The following KCTD18 variants were observed in gnomAD, a reference collection of about 807,000 sequenced individuals.
The protein encoded by KCTD18 is BTB/POZ domain-containing protein KCTD18.
In KCTD18, 22 loss-of-function variants were observed where a neutral mutation model predicts 30.4. The observed-to-expected ratio is 0.72, with a 90% CI of 0.52 to 1.03. KCTD18 has a LOEUF of 1.03. Among genes scored for constraint, KCTD18 ranks in the 50% least tolerant of loss-of-function variants. The pLI is 0.00. For synonymous variants in KCTD18, 186 were observed against 209.0 expected, an observed-to-expected ratio of 0.89 and a Z score of 0.95; for missense variants, 529 against 547.6, an observed-to-expected ratio of 0.97 and a Z score of 0.34.
chr2:200,504,914 A>G lies in KCTD18; in HGVS notation c.206T>C (p.Leu69Ser). ...DRDGRLFKYL[L>S]DYLHGEVQIP... ...CTGAACTTCTCCATGAAGGTAATCC[A>G]AAAGGTATTTAAATAGACGTCCATC... is the stretch of plus-strand genomic sequence containing the variant. The change falls in exon 3 of 7, where the codon TTG (leucine) becomes TCG (serine). Residue 69 changes from leucine to serine, a missense_variant. By Grantham distance (145) the Leu-to-Ser change is moderately radical (BLOSUM62 -2). Transcript: ENST00000359878. The G allele has an allele frequency of 6.2e-7, 1 of 1,614,198 alleles. No individual in the cohort carries two copies. The highest frequency in any genetic ancestry group is 1.6e-4 in the Middle Eastern group (1 of 6,062).
At chr2:200,508,406 G>T (rs2030325124) in intron 1 of KCTD18, among the ~76,000 whole-genome samples, 1 of 152,072 alleles carries the variant, frequency 6.6e-6, no homozygotes, top group Non-Finnish European at 1.5e-5. Context: ...AGGTTTAAGG[G>T]TTGGATTTTT....
chr2:200,505,470 C>T (rs1276283791), intron 2 of KCTD18, among the ~76,000 whole-genome samples: 1 of 152,144 alleles, frequency 6.6e-6, no homozygotes, highest in African/African-American at 2.4e-5. Flanking sequence ...TGGACCTTTG[C>T]GTTCTCACTA....
chr2:200,493,948 C>T (rs556426870), intron 5 of KCTD18, among the ~76,000 whole-genome samples: 7 of 152,246 alleles, frequency 4.6e-5, no homozygotes, highest in Non-Finnish European at 7.4e-5. Flanking sequence ...CATCACCACC[C>T]GATAACCACC....
In KCTD18 at chr2:200,493,866, G is replaced by A. The variant is rs539967459; in HGVS notation, c.662-592C>T. Among the ~76,000 whole-genome samples, 8 of 152,246 alleles carry A rather than the reference G, an allele frequency of 5.3e-5. No homozygotes were observed. In the East Asian group the frequency reaches 1.5e-3, roughly 29 times the overall value. ...ACACTTGCCTTGTCTACTTCACTGG[G>A]TTGCTGTAACATCAAATCAGGGGAA... On this transcript the variant is annotated intron_variant, in intron 5 of 6. Transcript: ENST00000359878.
chr2:200,504,984 G>C (rs747295897), intron 2 of KCTD18, 25 bp from the exon 3 acceptor site: 2 of 1,555,680 alleles, frequency 1.3e-6, no homozygotes, highest in South Asian at 2.2e-5. Flanking sequence ...GTTCAAAAAT[G>C]ATTATAGAGA....
intron 2 of KCTD18, among the ~76,000 whole-genome samples, chr2:200,505,957 GA>G (rs749932500): frequency 4.0e-4 from 61 of 152,022 alleles, no homozygotes; most frequent in Admixed American, 8.5e-4. Flanking sequence ...GGGCAGAGAA[GA>G]AAACTCAATC....
intron 5 of KCTD18, chr2:200,497,502 TAATTA>T (rs2088014251): frequency 2.7e-6 from 1 of 377,190 alleles, no homozygotes; most frequent in Admixed American, 4.2e-5. Context: ...AACTCTTATT[TAATTA>T]AATTAAATAA....
chr2:200,494,383 A>G (rs901690759), intron 5 of KCTD18, among the ~76,000 whole-genome samples: 2 of 152,258 alleles, frequency 1.3e-5, no homozygotes, highest in Admixed American at 6.5e-5. Flanking sequence ...TTAGAAAAGA[A>G]GCATAAATAT....
chr2:200,506,835 C>A, intron 2 of KCTD18, 22 bp downstream of exon 2: 2 of 1,609,010 alleles, frequency 1.2e-6, no homozygotes, highest in Non-Finnish European at 1.7e-6. Context: ...TCAGATCATG[C>A]TTTCAGACTT....
At chr2:200,507,296 C>T (rs892774358) in intron 1 of KCTD18, among the ~76,000 whole-genome samples, 2 of 152,124 alleles carry the variant, frequency 1.3e-5, no homozygotes, top group East Asian at 1.9e-4. Context: ...AGATAATAAA[C>T]GACTAACAAC....
chr2:200,506,772 T>C, intron 2 of KCTD18, 85 bp downstream of exon 2: 1 of 1,250,734 alleles, frequency 8.0e-7, no homozygotes, highest in Non-Finnish European at 1.2e-6. Flanking sequence ...ATCTAGTACA[T>C]TTCGCTGTAA....
In KCTD18 at chr2:200,507,052, A is replaced by G. The variant is rs377129125; in HGVS notation, c.-36T>C. 11 of 1,545,378 alleles carry G rather than the reference A, an allele frequency of 7.1e-6. No homozygotes were observed. In the African/African-American group the frequency reaches 1.2e-4, roughly 17 times the overall value. On this transcript the variant is annotated 5_prime_UTR_variant, in exon 2 of 7. Transcript: ENST00000359878. ...GGCACCTGAATTTTTGCCGCCCAAC[A>G]CTTTCAGAAACTTCAAAACAATGAT...
At chr2:200,498,850 G>T in intron 4 of KCTD18, 41 bp downstream of exon 4, 2 of 1,555,618 alleles carry the variant, frequency 1.3e-6, no homozygotes, top group South Asian at 2.2e-5. Flanking sequence ...AAGAGACCAA[G>T]ACTTTATTTT....
chr2:200,500,331 A>G (rs2088065561), intron 3 of KCTD18, among the ~76,000 whole-genome samples: 1 of 151,036 alleles, frequency 6.6e-6, no homozygotes, highest in Admixed American at 6.6e-5. Flanking sequence ...CAAAAAGAGG[A>G]AGTCAAATTG....
chr2:200,504,704 C>T, intron 3 of KCTD18, 44 bp downstream of exon 3: 3 of 1,350,706 alleles, frequency 2.2e-6, no homozygotes, highest in Non-Finnish European at 3.1e-6. Context: ...TTGCTTTGTG[C>T]ATCATAAATA....
At chr2:200,506,331 T>C (rs577775562) in intron 2 of KCTD18, among the ~76,000 whole-genome samples, 65 of 152,314 alleles carry the variant, frequency 4.3e-4, no homozygotes, top group African/African-American at 1.5e-3. Context: ...CAGTTTTCAG[T>C]CCGCTGCCCC....
At chr2:200,508,110 G>C (rs1046322601) in intron 1 of KCTD18, among the ~76,000 whole-genome samples, 1 of 152,140 alleles carries the variant, frequency 6.6e-6, no homozygotes, top group African/African-American at 2.4e-5. Flanking sequence ...TTGTTTGCTT[G>C]TTTGTTTTTT....
At chr2:200,507,212 G>T in intron 1 of KCTD18, 121 bp from the exon 2 acceptor site, 1 of 404,588 alleles carries the variant, frequency 2.5e-6, no homozygotes, top group Non-Finnish European at 4.3e-6. Flanking sequence ...TTGAATTGAA[G>T]GATTTTATAT....
intron 5 of KCTD18, among the ~76,000 whole-genome samples, chr2:200,493,813 A>ATT (rs2087958540): frequency 6.6e-6 from 1 of 152,168 alleles, no homozygotes; most frequent in African/African-American, 2.4e-5. Flanking sequence ...AGGGAGCAGT[A>ATT]TAAGTATTGT....
Sources: gnomAD v4.1 joint callset for allele counts (sites outside exome capture counted in the v4.1 genomes callset) on GRCh38, gnomAD v4.1.1 for gene constraint, MANE v1.5 for transcripts, NCBI Gene and HGNC (gene_info 2026-07-23, HGNC 2026-07-21) for gene names.